Variants in PNPT1 observed in about 807,000 individuals in gnomAD.
PNPT1 encodes polyribonucleotide nucleotidyltransferase 1, mitochondrial.
Under a neutral mutation model 119.5 loss-of-function variants are expected in PNPT1, and 53 were observed. The ratio of observed to expected loss-of-function variants is 0.44; its 90% CI spans 0.36 to 0.56. PNPT1 has a LOEUF of 0.56. PNPT1 is among the 20% of genes least tolerant of loss of function. The pLI is 0.00. For synonymous variants in PNPT1, 357 were observed against 322.1 expected (o/e 1.11, Z -1.16); for missense variants, 948 against 938.5 (o/e 1.01, Z -0.13).
At chr2:55,648,264 A>G (rs950321103) in intron 18 of PNPT1, among the ~76,000 whole-genome samples, 18 of 152,186 alleles carry the variant, frequency 1.2e-4, no homozygotes, top group Non-Finnish European at 1.9e-4. Context: ...TCACTTAATA[A>G]CATGTCTTGG....
chr2:55,685,741 G>A (rs1697385973), intron 3 of PNPT1, among the ~76,000 whole-genome samples: 1 of 152,050 alleles, frequency 6.6e-6, no homozygotes, highest in Admixed American at 6.6e-5. Context: ...TGGTATCCCT[G>A]GGGGATTGGT....
rs570105137 is a variant in PNPT1 at position 55,691,323 on chromosome 2, T to C, written c.161+2340A>G. Among the ~76,000 whole-genome samples the C allele has an allele frequency of 4.6e-5, 7 of 152,304 alleles. No homozygotes were observed. The South Asian group carries it at 1.0e-3, about 23-fold the overall frequency. The stretch of plus-strand genomic sequence containing the variant: ...GTTACTGTAAGCATTAAATATACTA[T>C]CTGAAAAACACCTACAATAATTATA... On this transcript the variant is annotated intron_variant, in intron 1 of 27. Coordinates refer to ENST00000447944, the MANE Select transcript of PNPT1 (RefSeq NM_033109.5).
chr2:55,681,043 G>A (rs1206954555), intron 5 of PNPT1, 125 bp from the exon 6 acceptor site: 2 of 721,548 alleles, frequency 2.8e-6, no homozygotes, highest in Non-Finnish European at 4.7e-6. Context: ...AATTTTGGCT[G>A]TCATTAAACG....
At chr2:55,673,871 A>T (rs1000079124) in intron 8 of PNPT1, among the ~76,000 whole-genome samples, 1 of 152,088 alleles carries the variant, frequency 6.6e-6, no homozygotes, top group Non-Finnish European at 1.5e-5. Context: ...TACAGGCGTG[A>T]GCCACTACAT....
chr2:55,642,754 T>C (rs532332416), intron 25 of PNPT1, among the ~76,000 whole-genome samples: 1 of 152,270 alleles, frequency 6.6e-6, no homozygotes, highest in African/African-American at 2.4e-5. Flanking sequence ...AATTGGCATG[T>C]AATCTAAACA....
At chr2:55,654,829 G>A (rs1696332839) in intron 18 of PNPT1, 71 bp downstream of exon 18, 4 of 1,274,136 alleles carry the variant, frequency 3.1e-6, no homozygotes, top group Non-Finnish European at 4.2e-6. Context: ...TCCTGCCTTG[G>A]CCTCCCAAGG....
At chr2:55,686,485 C>G in intron 2 of PNPT1, 41 bp from the exon 3 acceptor site, 2 of 1,472,366 alleles carry the variant, frequency 1.4e-6, no homozygotes, top group Middle Eastern at 3.5e-4. Flanking sequence ...CCTTTGAAAT[C>G]AGATATTAGC....
At chr2:55,655,132 A>G (rs541200251) in intron 17 of PNPT1, among the ~76,000 whole-genome samples, 179 bp from the exon 18 acceptor site, 1 of 152,334 alleles carries the variant, frequency 6.6e-6, no homozygotes, top group Admixed American at 6.5e-5. Flanking sequence ...TGCAAGGTCC[A>G]ATATGGTAGA....
chr2:55,691,878 A>ATATATTTTTT (rs1326804958), intron 1 of PNPT1, among the ~76,000 whole-genome samples: 5 of 33,112 alleles, frequency 1.5e-4, no homozygotes, highest in Non-Finnish European at 1.8e-4. Context: ...ATATATATAT[A>ATATATTTTTT]TTTTTTTTTT....
chr2:55,685,633 T>C (rs1436458725), intron 3 of PNPT1, among the ~76,000 whole-genome samples: 2 of 152,216 alleles, frequency 1.3e-5, no homozygotes, highest in Non-Finnish European at 2.9e-5. Context: ...TTTTTTTTGG[T>C]ATCAACTCTG....
At position 55,686,363 on chromosome 2, in the gene PNPT1, T is replaced by C. The variant is rs765681981; in HGVS notation, c.297+7A>G. 1.9e-6 allele frequency: 3 copies of C among 1,603,132 alleles called. No individual in the cohort carries two copies. The highest frequency in any genetic ancestry group is 2.6e-6 in the Non-Finnish European group (3 of 1,170,118). ...ATTACAGTTCAGATAAATCAGCAAA[T>C]ACTTACCACCAAAGGCATAAACTGG... is the stretch of plus-strand genomic sequence containing the variant. On this transcript the variant is annotated splice_region_variant and intron_variant, in intron 3 of 27. Coordinates refer to ENST00000447944, the MANE Select transcript of PNPT1 (RefSeq NM_033109.5).
Position 55,680,754 on chromosome 2 carries a change from C to T in PNPT1, c.523G>A (p.Val175Ile), listed in dbSNP as rs768009098. 1.4e-5 allele frequency: 23 copies of T among 1,613,314 alleles called. No individual in the cohort carries two copies. In the East Asian group the frequency reaches 1.8e-4, roughly 13 times the overall value. Residue 175 changes from valine (V) to isoleucine (I), a missense_variant, in exon 7 of 28, where the codon GTA becomes ATA. Coordinates refer to ENST00000447944, the MANE Select transcript of PNPT1 (RefSeq NM_033109.5). ...GGAATATCTGATAATGAGAGGGCTACGGAAGCTTAAAAAAGGAGAAAAATC... is the reference window on the plus strand; with the variant it reads ...GGAATATCTGATAATGAGAGGGCTATGGAAGCTTAAAAAAGGAGAAAAATC... ...PDVLAINGAS[V>I]ALSLSDIPWN...
intron 1 of PNPT1, among the ~76,000 whole-genome samples, 173 bp downstream of exon 1, chr2:55,693,490 G>A (rs960895338): frequency 6.6e-6 from 1 of 152,066 alleles, no homozygotes; most frequent in East Asian, 1.9e-4. Flanking sequence ...CGGGAAGGAG[G>A]GTCCGAGGAG....
intron 22 of PNPT1, 46 bp downstream of exon 22, chr2:55,645,303 C>G (rs1167738845): frequency 7.4e-7 from 1 of 1,352,114 alleles, no homozygotes; most frequent in Admixed American, 1.8e-5. Flanking sequence ...GGATTACAGG[C>G]GTGAGCCACC....
intron 15 of PNPT1, among the ~76,000 whole-genome samples, chr2:55,656,837 A>G (rs1222673009): frequency 6.6e-6 from 1 of 152,226 alleles, no homozygotes; most frequent in Non-Finnish European, 1.5e-5. Context: ...AACAAAATAC[A>G]TGAATGGGAA....
In PNPT1 at chr2:55,693,658, C is replaced by T. The variant is rs775357496; in HGVS notation, c.161+5G>A. 41 of 1,614,036 alleles carry T rather than the reference C, an allele frequency of 2.5e-5. No individual in the cohort carries two copies. The highest frequency in any genetic ancestry group is 3.4e-5 in the Non-Finnish European group (40 of 1,179,996). On this transcript the variant is annotated splice_donor_5th_base_variant and intron_variant, in intron 1 of 27. Coordinates refer to ENST00000447944, the MANE Select transcript of PNPT1 (RefSeq NM_033109.5). ...ACAATACAGTGAACGCACGTCACTC[C>T]TTACCTGTTGCCTAAGTCCACGGCC...
intron 12 of PNPT1, among the ~76,000 whole-genome samples, chr2:55,667,567 C>A (rs1444585894): frequency 1.3e-5 from 2 of 148,328 alleles, no homozygotes; most frequent in African/African-American, 5.0e-5. Context: ...GCCTGGGTGA[C>A]AGAGCGAGAC....
At chr2:55,688,686 A>G (rs1303130618) in intron 1 of PNPT1, among the ~76,000 whole-genome samples, 4 of 152,012 alleles carry the variant, frequency 2.6e-5, no homozygotes, top group African/African-American at 4.8e-5. Context: ...GATTGTGCCA[A>G]TGCAGTCCAG....
At chr2:55,666,135 C>T (rs1696722464) in intron 13 of PNPT1, among the ~76,000 whole-genome samples, 1 of 152,098 alleles carries the variant, frequency 6.6e-6, no homozygotes. Context: ...CTAGAAAATG[C>T]AAACTAATTT....
Sources: allele counts gnomAD v4.1 joint callset (sites outside exome capture counted in the v4.1 genomes callset), GRCh38; gene constraint gnomAD v4.1.1; transcripts MANE v1.5; gene names NCBI Gene and HGNC (gene_info 2026-07-23, HGNC 2026-07-21).